The following ANTXRL variants were observed in gnomAD, a reference collection of about 807,000 sequenced individuals.
ANTXRL encodes the protein ANTXR like.
A neutral mutation model predicts 75.4 loss-of-function variants in ANTXRL; 63 were observed. That is an observed-to-expected ratio of 0.84 (90% confidence interval 0.68 to 1.03). ANTXRL has a LOEUF of 1.03. Ranked by LOEUF, ANTXRL falls within the 50% of genes least tolerant of loss-of-function variation. ANTXRL has a pLI of 0.00. For missense variants in ANTXRL, 797 were observed against 789.4 expected, an observed-to-expected ratio of 1.01 and a Z score of -0.12; for synonymous variants, 335 against 291.3, an observed-to-expected ratio of 1.15 and a Z score of -1.53.
At chr10:46,329,319 G>C (rs535374274) in intron 16 of ANTXRL, among the ~76,000 whole-genome samples, 83 of 152,236 alleles carry the variant, frequency 5.5e-4, no homozygotes, top group African/African-American at 2.0e-3. Flanking sequence ...TAGCTACCAG[G>C]GGGAAGCAAA....
chr10:46,294,162 G>A (rs1171734556), intron 3 of ANTXRL: 13 of 509,986 alleles, frequency 2.5e-5, no homozygotes, highest in African/African-American at 7.8e-5. Context: ...CCCTCTCTCC[G>A]CTCTGCCTCC....
At chr10:46,318,817 G>GA (rs1429414050) in intron 16 of ANTXRL, among the ~76,000 whole-genome samples, 3 of 152,066 alleles carry the variant, frequency 2.0e-5, no homozygotes, top group Admixed American at 1.3e-4. Flanking sequence ...GAATTGAGCA[G>GA]AAAAAACAAA....
intron 9 of ANTXRL, 113 bp downstream of exon 9, chr10:46,298,175 G>A (rs1416570930): frequency 8.0e-6 from 8 of 999,502 alleles, no homozygotes; most frequent in Non-Finnish European, 1.2e-5. Context: ...TGTGGGGAGT[G>A]TGTGAGTGTG....
chr10:46,323,275 T>C (rs1839063234), intron 16 of ANTXRL, among the ~76,000 whole-genome samples: 1 of 152,146 alleles, frequency 6.6e-6, no homozygotes, highest in South Asian at 2.1e-4. Context: ...GTTTTTGGCA[T>C]AGGACCTATG....
chr10:46,309,995 G>A (rs1191846375), intron 13 of ANTXRL, among the ~76,000 whole-genome samples: 47 of 152,210 alleles, frequency 3.1e-4, no homozygotes, highest in East Asian at 1.9e-4. Context: ...AGAGCGCAGA[G>A]CTCAGCCCAG....
At chr10:46,300,043 C>T (rs1403969785) in intron 9 of ANTXRL, among the ~76,000 whole-genome samples, 1 of 152,202 alleles carries the variant, frequency 6.6e-6, no homozygotes, top group Non-Finnish European at 1.5e-5. Flanking sequence ...CCTGGACACG[C>T]ACAGCCTGTG....
At chr10:46,321,626 G>A (rs782046154) in intron 16 of ANTXRL, among the ~76,000 whole-genome samples, 1 of 152,128 alleles carries the variant, frequency 6.6e-6, no homozygotes, top group African/African-American at 2.4e-5. Context: ...CACCATGAAA[G>A]GTTTGATTAT....
At chr10:46,327,200 G>C (rs371495682) in intron 16 of ANTXRL, among the ~76,000 whole-genome samples, 3 of 152,280 alleles carry the variant, frequency 2.0e-5, no homozygotes, top group African/African-American at 7.2e-5. Context: ...TAGCTGGGCT[G>C]TGATTGCCTG....
intron 16 of ANTXRL, among the ~76,000 whole-genome samples, chr10:46,319,692 A>G (rs190840569): frequency 4.1e-4 from 63 of 152,182 alleles, no homozygotes; most frequent in African/African-American, 1.2e-3. Context: ...GATAGCCTGG[A>G]AAGTCGCTAG....
rs868995083 is a variant in ANTXRL, at chr10:46,298,584, T to A, written c.796+522T>A. ...TGAGTGGGGGTCTTGTGGGAGTGTGTGGGAAGGTTGCCTGGTGTGTGGAAG... is the reference window on the plus strand; with the variant it reads ...TGAGTGGGGGTCTTGTGGGAGTGTGAGGGAAGGTTGCCTGGTGTGTGGAAG... On this transcript the variant is annotated intron_variant, in intron 9 of 16. Coordinates refer to ENST00000620264, the MANE Select transcript of ANTXRL (RefSeq NM_001278688.3). Among the ~76,000 whole-genome samples the A allele has an allele frequency of 2.6e-5, 4 of 151,438 alleles. No homozygotes were observed. The South Asian group carries it at 8.3e-4, about 32-fold the overall frequency.
chr10:46,327,079 C>G (rs1174273496), intron 16 of ANTXRL, among the ~76,000 whole-genome samples: 3 of 152,090 alleles, frequency 2.0e-5, no homozygotes, highest in African/African-American at 7.2e-5. Context: ...AGAGGCAGCA[C>G]CAGAGCTGAG....
chr10:46,309,064 G>A (rs538494117), intron 12 of ANTXRL, 49 bp from the exon 13 acceptor site: 52 of 1,535,082 alleles, frequency 3.4e-5, no homozygotes, highest in African/African-American at 4.1e-5. Context: ...TGGTGGGCAC[G>A]GGGAAGAGGC....
intron 9 of ANTXRL, among the ~76,000 whole-genome samples, chr10:46,299,268 T>G (rs3125090): frequency 6.6e-6 from 1 of 152,078 alleles, no homozygotes; most frequent in South Asian, 2.1e-4. Flanking sequence ...AGAAGGAAAC[T>G]TCCATAGCCC....
chr10:46,309,804 T>C (rs1554962962), intron 13 of ANTXRL, among the ~76,000 whole-genome samples: 1 of 152,094 alleles, frequency 6.6e-6, no homozygotes, highest in Non-Finnish European at 1.5e-5. Flanking sequence ...CACAGTTCTG[T>C]CCTGTCATGG....
chr10:46,288,044 C>T (rs1470477772), intron 1 of ANTXRL, among the ~76,000 whole-genome samples: 2 of 152,116 alleles, frequency 1.3e-5, no homozygotes, highest in Non-Finnish European at 2.9e-5. Flanking sequence ...ATAGTTCCTA[C>T]ACTTTCAGAA....
chr10:46,288,644 T>C (rs2132630721), intron 1 of ANTXRL, among the ~76,000 whole-genome samples: 1 of 152,178 alleles, frequency 6.6e-6, no homozygotes, highest in South Asian at 2.1e-4. Context: ...TGCCTTCGTG[T>C]CCCCCATCTG....
intron 16 of ANTXRL, among the ~76,000 whole-genome samples, chr10:46,326,611 G>T (rs527936767): frequency 6.6e-6 from 1 of 152,112 alleles, no homozygotes; most frequent in South Asian, 2.1e-4. Context: ...ATCTTGCCTG[G>T]GCCTTATAGT....
chr10:46,320,774 T>C (rs1339974850), intron 16 of ANTXRL, among the ~76,000 whole-genome samples: 1 of 152,118 alleles, frequency 6.6e-6, no homozygotes, highest in Non-Finnish European at 1.5e-5. Flanking sequence ...AAAAGGAAGT[T>C]TGCTTTTTTG....
Position 46,292,067 on chromosome 10 carries a change from C to G in ANTXRL, c.258C>G (p.Ser86Arg). The G allele has an allele frequency of 6.5e-7, 1 of 1,536,256 alleles. No individual in the cohort carries two copies. Among genetic ancestry groups the G allele is most frequent in the South Asian group, 1.2e-5 (1 of 84,054 alleles). The change falls in exon 2 of 17, where the codon AGC (serine) becomes AGG (arginine). Residue 86 changes from serine (S) to arginine (R), a missense_variant. By Grantham distance (110) the Ser-to-Arg change is moderately radical. Transcript: ENST00000620264. Reference sequence around the variant, plus strand: ...TCTCCTTTTGTTTTAGGTCTGGCAGCGTGAACAATAACTGGATTGACCTTT... The same window carrying G: ...TCTCCTTTTGTTTTAGGTCTGGCAGGGTGAACAATAACTGGATTGACCTTT... ...DLYFILDKSG[S>R]VNNNWIDLYM...
Sources: gnomAD v4.1 joint callset for allele counts (sites outside exome capture counted in the v4.1 genomes callset) on GRCh38, gnomAD v4.1.1 for gene constraint, MANE v1.5 for transcripts, NCBI Gene and HGNC (gene_info 2026-07-23, HGNC 2026-07-21) for gene names.